The following PRH1 variants were observed in gnomAD, a reference collection of about 807,000 sequenced individuals.
The protein encoded by PRH1 is proline rich protein HaeIII subfamily 1, also known as salivary acidic proline-rich phosphoprotein 1/2.
A neutral mutation model predicts 7.9 loss-of-function variants in PRH1; 7 were observed. That is an observed-to-expected ratio of 0.89 (90% confidence interval 0.50 to 1.67). The LOEUF (loss-of-function observed/expected upper bound fraction) is 1.67. Ranked by LOEUF, PRH1 falls within the 40% of genes most tolerant of loss-of-function variation. The pLI is 0.00. For synonymous variants in PRH1, 45 were observed against 80.8 expected, an observed-to-expected ratio of 0.56 and a Z score of 2.38; for missense variants, 109 against 223.6, an observed-to-expected ratio of 0.49 and a Z score of 3.27.
intron 1 of PRH1, chr12:11,166,017 C>T (rs539252588): frequency 4.6e-5 from 7 of 152,292 alleles, no homozygotes; most frequent in African/African-American, 1.4e-4. Context: ...TTGCCTCAGA[C>T]GTGGGACTTT....
intron 1 of PRH1, chr12:11,031,447 C>T (rs1189523221): frequency 4.9e-5 from 57 of 1,155,352 alleles, no homozygotes; most frequent in African/African-American, 6.2e-5. Context: ...CCGACCTTCA[C>T]GGTGAGTGTT....
upstream of PRH1, chr12:11,047,267 T>C: frequency 6.9e-6 from 2 of 289,682 alleles, no homozygotes; most frequent in Non-Finnish European, 7.2e-6. Context: ...ATGAAACATA[T>C]GATTAATACA....
chr12:11,148,342 G>C (rs1303992687), intron 1 of PRH1, among the ~76,000 whole-genome samples: 2 of 151,754 alleles, frequency 1.3e-5, no homozygotes, highest in African/African-American at 2.4e-5. Context: ...GGAGTGGTGA[G>C]AGAGGGCATC....
intron 1 of PRH1, among the ~76,000 whole-genome samples, chr12:11,107,726 C>G (rs142404857): frequency 1.3e-5 from 2 of 152,148 alleles, no homozygotes; most frequent in African/African-American, 2.4e-5. Context: ...AACTGAGAGT[C>G]CAGAAATTAA....
chr12:11,141,269 T>C (rs1463766700), intron 1 of PRH1, among the ~76,000 whole-genome samples: 2 of 152,206 alleles, frequency 1.3e-5, no homozygotes, highest in Admixed American at 6.5e-5. Flanking sequence ...TACTTAAATA[T>C]TTATTGTTTA....
chr12:11,013,398 T>C (rs1418107064), intron 1 of PRH1, among the ~76,000 whole-genome samples: 1 of 152,268 alleles, frequency 6.6e-6, no homozygotes, highest in Admixed American at 6.5e-5. Flanking sequence ...AATATCCACA[T>C]GCATAAAGAT....
At chr12:11,063,221 T>C (rs1943686634) in intron 1 of PRH1, among the ~76,000 whole-genome samples, 2 of 152,146 alleles carry the variant, frequency 1.3e-5, no homozygotes, top group Non-Finnish European at 2.9e-5. Context: ...CTTTGATATA[T>C]AGTCTTGCAG....
chr12:11,045,980 T>G (rs931219839), intron 1 of PRH1, among the ~76,000 whole-genome samples: 3 of 152,116 alleles, frequency 2.0e-5, no homozygotes, highest in African/African-American at 4.8e-5. Flanking sequence ...TGTAGACCAA[T>G]TCAAGCAAGT....
rs1244810329 is a variant in PRH1, at chr12:11,094,224, C to A, written n.124-47036G>T. On this transcript the variant is annotated intron_variant and non_coding_transcript_variant, in intron 1 of 4. Transcript: ENST00000541977. Reference sequence around the variant, plus strand: ...GGCTGAGGCAGGAGAATGGCGTGAACCCCGGAGGCGGAGGTTGCAGTAAAC... The same window carrying A: ...GGCTGAGGCAGGAGAATGGCGTGAAACCCGGAGGCGGAGGTTGCAGTAAAC... Among the ~76,000 whole-genome samples the A allele has an allele frequency of 4.1e-5, 4 of 97,350 alleles. 2 individuals are homozygous for A. Among genetic ancestry groups the A allele is most frequent in the Non-Finnish European group, 9.2e-5 (4 of 43,712 alleles). 63.9% of individuals were successfully genotyped at this position (97,350 alleles called of 152,430 possible). A position where few individuals can be genotyped will look rare whatever the true frequency, so the allele number is the denominator to read the frequency against.
chr12:10,982,622 G>T (rs576103932), intron 1 of PRH1, among the ~76,000 whole-genome samples: 4 of 152,218 alleles, frequency 2.6e-5, no homozygotes, highest in African/African-American at 9.6e-5. Flanking sequence ...TTGACATTTT[G>T]CAAAACATCA....
chr12:11,146,822 TCTA>T (rs2136411196), intron 1 of PRH1, among the ~76,000 whole-genome samples: 1 of 152,288 alleles, frequency 6.6e-6, no homozygotes, highest in African/African-American at 2.4e-5. Context: ...ACACATCTTA[TCTA>T]CTAATTTCTA....
intron 1 of PRH1, among the ~76,000 whole-genome samples, chr12:11,169,748 T>A (rs991836791): frequency 1.3e-5 from 2 of 152,166 alleles, no homozygotes; most frequent in Non-Finnish European, 2.9e-5. Context: ...TCAGAATTGA[T>A]CATTTATTTT....
chr12:11,114,702 A>G lies in PRH1; in HGVS notation n.123+56720T>C, dbSNP rs138377822. Among the ~76,000 whole-genome samples, 116 of 152,314 alleles carry G rather than the reference A, an allele frequency of 7.6e-4. 1 individual carries two copies. In the East Asian group the frequency reaches 0.02, roughly 27 times the overall value. ...CCTTTGAATACATACACAGTACAAT[A>G]AGAAATAAATAGTGAAAACAGAAAG... On this transcript the variant is annotated intron_variant and non_coding_transcript_variant, in intron 1 of 4. Coordinates refer to the PRH1 transcript ENST00000541977.
At chr12:11,110,695 A>T (rs908254398) in intron 1 of PRH1, among the ~76,000 whole-genome samples, 12 of 152,230 alleles carry the variant, frequency 7.9e-5, no homozygotes, top group African/African-American at 2.9e-4. Flanking sequence ...GCCACTTCAG[A>T]AAAACACCAA....
At position 11,153,014 on chromosome 12, in the gene PRH1, C is replaced by T. The variant is rs142634766; in HGVS notation, n.39+18408G>A. On this transcript the variant is annotated intron_variant and non_coding_transcript_variant, in intron 1 of 1. Coordinates refer to the PRH1 transcript ENST00000541175. ...AGGGTATTCATGACCCTGTTTCCAACGGTAAAGGAGACACTGGCAATCCCT... is the reference window on the plus strand; with the variant it reads ...AGGGTATTCATGACCCTGTTTCCAATGGTAAAGGAGACACTGGCAATCCCT... Among the ~76,000 whole-genome samples, 1,170 of 152,172 alleles carry T rather than the reference C, an allele frequency of 7.7e-3. 11 individuals carry two copies. The highest frequency in any genetic ancestry group is 0.034 in the Middle Eastern group (10 of 292).
intron 2 of PRH1, chr12:10,932,447 T>C: frequency 5.2e-6 from 1 of 193,688 alleles, no homozygotes; most frequent in South Asian, 9.9e-5. Flanking sequence ...CTCCTTATCC[T>C]TATTAAGTCA....
chr12:11,062,227 G>C, intron 1 of PRH1: 1 of 1,613,210 alleles, frequency 6.2e-7, no homozygotes, highest in Non-Finnish European at 8.5e-7. Context: ...GAAGCCATTA[G>C]CAAAATTTCC....
Position 11,018,724 on chromosome 12 carries a change from T to C in PRH1, c.-126+28296A>G, listed in dbSNP as rs1010586286. On this transcript the variant is annotated intron_variant, in intron 1 of 3. Coordinates refer to the PRH1 transcript ENST00000539853. Reference sequence around the variant, plus strand: ...GGGAAGGAAATGAGCAGGACAGCAGTTGTAAAAGTGGCCACGTGGGCATCC... The same window carrying C: ...GGGAAGGAAATGAGCAGGACAGCAGCTGTAAAAGTGGCCACGTGGGCATCC... Among the ~76,000 whole-genome samples the C allele has an allele frequency of 3.3e-5, 5 of 152,136 alleles. No homozygotes were observed. In the South Asian group the frequency reaches 6.2e-4, roughly 19 times the overall value.
intron 2 of PRH1, among the ~76,000 whole-genome samples, chr12:10,962,930 C>T (rs1938316227): frequency 6.6e-6 from 1 of 152,166 alleles, no homozygotes; most frequent in South Asian, 2.1e-4. Context: ...CCACCACGCC[C>T]TGCTAATTTT....
Sources: gnomAD v4.1 joint callset for allele counts (sites outside exome capture counted in the v4.1 genomes callset) on GRCh38, gnomAD v4.1.1 for gene constraint, MANE v1.5 for transcripts, NCBI Gene and HGNC (gene_info 2026-07-23, HGNC 2026-07-21) for gene names.